GBF1: variants seen among roughly 807,000 people sequenced by gnomAD.
The protein encoded by GBF1 is golgi brefeldin A resistant guanine nucleotide exchange factor 1.
Under a neutral mutation model 210.5 loss-of-function variants are expected in GBF1, and 114 were observed. The ratio of observed to expected loss-of-function variants is 0.54; its 90% CI spans 0.47 to 0.63. The LOEUF (loss-of-function observed/expected upper bound fraction) is 0.63. Among genes scored for constraint, GBF1 ranks in the 30% least tolerant of loss-of-function variants. The pLI is 0.00. For missense variants in GBF1, 1,851 were observed against 2,357.7 expected, an observed-to-expected ratio of 0.79 and a Z score of 4.45; for synonymous variants, 850 against 889.2, an observed-to-expected ratio of 0.96 and a Z score of 0.78.
chr10:102,276,552 T>C (rs1379723025), intron 3 of GBF1, among the ~76,000 whole-genome samples: 1 of 151,102 alleles, frequency 6.6e-6, no homozygotes, highest in Non-Finnish European at 1.5e-5. Flanking sequence ...AAAATGTTTC[T>C]GTTGCCAAGG....
chr10:102,362,433 G>A, intron 14 of GBF1, 42 bp from the exon 15 acceptor site: 4 of 1,354,428 alleles, frequency 3.0e-6, no homozygotes, highest in Admixed American at 1.8e-5. Context: ...AGTGTAAAGT[G>A]TTCTCCTAAC....
chr10:102,243,091 C>T (rs1197602969), upstream of GBF1, among the ~76,000 whole-genome samples: 2 of 152,178 alleles, frequency 1.3e-5, no homozygotes, highest in Non-Finnish European at 2.9e-5. Context: ...ACCTTGTCTT[C>T]ATCTCCAATT....
the GBF1 span, among the ~76,000 whole-genome samples, chr10:102,232,857 A>G: frequency 2.0e-5 from 3 of 152,340 alleles, no homozygotes; most frequent in South Asian, 2.1e-4. Context: ...TCTCCTTAGG[A>G]CAGATTGTAT....
chr10:102,378,223 A>G (rs1196742005), intron 33 of GBF1, among the ~76,000 whole-genome samples: 2 of 151,908 alleles, frequency 1.3e-5, no homozygotes, highest in Non-Finnish European at 2.9e-5. Flanking sequence ...ATCTCAAAAA[A>G]AAAAAAAAGA....
Position 102,362,504 on chromosome 10 carries a change from T to C in GBF1, c.1716T>C (p.Tyr572=). Residue 572 remains tyrosine (Y), a synonymous_variant, in exon 15 of 40, where the codon TAT becomes TAC. Coordinates refer to ENST00000369983, the MANE Select transcript of GBF1 (RefSeq NM_001377137.1). ...CCTTCCCTGTGTCTGGTCAACTCTA[T>C]ACAACACACCTACTATCTCTTGATG... The part of the protein sequence containing the change: ...KNAFPVSGQL[Y]TTHLLSLDAL... 6.2e-7 allele frequency: 1 copy of C among 1,613,802 alleles called. No individual in the cohort carries two copies. The highest frequency in any genetic ancestry group is 8.5e-7 in the Non-Finnish European group (1 of 1,179,662).
intron 3 of GBF1, among the ~76,000 whole-genome samples, chr10:102,338,085 A>T (rs931084018): frequency 1.3e-5 from 2 of 152,078 alleles, no homozygotes; most frequent in Admixed American, 6.6e-5. Flanking sequence ...AGAGGTAGGG[A>T]AGTGACATGA....
intron 3 of GBF1, among the ~76,000 whole-genome samples, chr10:102,277,001 C>T (rs71471240): frequency 5.9e-5 from 9 of 151,840 alleles, no homozygotes; most frequent in East Asian, 1.9e-4. Context: ...CATGCACACA[C>T]GTATGTATGT....
At chr10:102,365,183 G>A (rs1409751114) in intron 17 of GBF1, among the ~76,000 whole-genome samples, 1 of 152,184 alleles carries the variant, frequency 6.6e-6, no homozygotes, top group Non-Finnish European at 1.5e-5. Context: ...ACTCAGGAAA[G>A]GAGTAAAAAA....
chr10:102,308,290 A>T (rs79468648), intron 3 of GBF1, among the ~76,000 whole-genome samples: 2,780 of 152,164 alleles, frequency 0.018, 36 homozygotes, highest in South Asian at 0.055. Flanking sequence ...ATAGTGGAAT[A>T]CTATAAATAA....
At chr10:102,378,394 G>A (rs1428025374) in intron 33 of GBF1, among the ~76,000 whole-genome samples, 9 of 152,038 alleles carry the variant, frequency 5.9e-5, no homozygotes, top group Non-Finnish European at 8.8e-5. Flanking sequence ...AGGCTGAGGC[G>A]GGAGGATCAC....
At position 102,376,713 on chromosome 10, in the gene GBF1, G is replaced by A. The variant is rs1027929243; in HGVS notation, c.4201G>A (p.Val1401Met). 1.2e-6 allele frequency: 2 copies of A among 1,612,372 alleles called. No homozygotes were observed. The highest frequency in any genetic ancestry group is 1.7e-6 in the Non-Finnish European group (2 of 1,179,702). ...GTGTGTGGAATCGCTGTCCTTCATTGTGCGTGATGCTGCCCACATCACACC... is the reference window on the plus strand; with the variant it reads ...GTGTGTGGAATCGCTGTCCTTCATTATGCGTGATGCTGCCCACATCACACC... The part of the protein sequence containing the change: ...LKCVESLSFI[V>M]RDAAHITPDN... Residue 1401 changes from valine (V) to methionine (M), a missense_variant, in exon 32 of 40, where the codon GTG becomes ATG. Physicochemically the swap from Val to Met is conservative, Grantham distance 21. Coordinates refer to ENST00000369983, the MANE Select transcript of GBF1 (RefSeq NM_001377137.1).
intron 13 of GBF1, 72 bp from the exon 14 acceptor site, chr10:102,361,646 C>T: frequency 9.7e-7 from 1 of 1,034,516 alleles, no homozygotes; most frequent in Admixed American, 2.2e-5. Flanking sequence ...TAATGTTTTT[C>T]CTGTCTAATT....
chr10:102,251,380 T>G (rs1476748258), intron 1 of GBF1, among the ~76,000 whole-genome samples: 1 of 152,198 alleles, frequency 6.6e-6, no homozygotes, highest in Non-Finnish European at 1.5e-5. Context: ...GTCTTGATGT[T>G]ATTTCATTTG....
At chr10:102,301,730 C>T (rs1178041915) in intron 3 of GBF1, among the ~76,000 whole-genome samples, 1 of 152,084 alleles carries the variant, frequency 6.6e-6, no homozygotes. Context: ...AGACGCTCCT[C>T]ACTTCCTAGA....
chr10:102,267,737 G>T (rs147982548), intron 3 of GBF1, among the ~76,000 whole-genome samples: 1 of 152,306 alleles, frequency 6.6e-6, no homozygotes, highest in East Asian at 1.9e-4. Context: ...GGAACTAAAA[G>T]AACCAAATGT....
chr10:102,363,190 C>A lies in GBF1; in HGVS notation c.1877-66C>A. ...AGGTCTTCTGGGCTTGGGATTTGAT[C>A]TATCCTGCAGCTCTGCTTGGCTTCA... On this transcript the variant is annotated intron_variant, in intron 15 of 39. Transcript: ENST00000369983. This position sits in a 1 kb window ranked among gnomAD's most constrained non-coding sequence, Gnocchi z 4.2. 7.0e-7 allele frequency: 1 copy of A among 1,435,310 alleles called. No individual in the cohort carries two copies. Among genetic ancestry groups the A allele is most frequent in the African/African-American group, 1.4e-5 (1 of 70,836 alleles). The allele number at this position is 1,435,310 out of a possible 1,614,324, so 88.9% of individuals were successfully genotyped here. A position where few individuals can be genotyped will look rare whatever the true frequency, so the allele number is the denominator to read the frequency against.
At chr10:102,238,832 C>A in the GBF1 span, among the ~76,000 whole-genome samples, 1 of 152,160 alleles carries the variant, frequency 6.6e-6, no homozygotes, top group Non-Finnish European at 1.5e-5. Flanking sequence ...TCACTCCCTC[C>A]ACCCTGTAGC....
Position 102,277,974 on chromosome 10 carries a change from T to A in GBF1, c.163+17858T>A, listed in dbSNP as rs968312386. On this transcript the variant is annotated intron_variant, in intron 3 of 39. Transcript: ENST00000369983. ...TAGCATTAAAAACATTTTTTTAAAA[T>A]TTTTTCAGCCAGTGGTTTATGCCTG... is the stretch of plus-strand genomic sequence containing the variant. Among the ~76,000 whole-genome samples, 12 of 152,316 alleles carry A rather than the reference T, an allele frequency of 7.9e-5. No individual in the cohort carries two copies. The East Asian group carries it at 2.3e-3, about 29-fold the overall frequency.
intron 6 of GBF1, 118 bp downstream of exon 6, chr10:102,352,069 T>C: frequency 1.4e-6 from 1 of 702,614 alleles, no homozygotes; most frequent in Non-Finnish European, 2.6e-6. Flanking sequence ...ATCTATCTCA[T>C]GCGATCATAG....
Sources: gnomAD v4.1 joint callset for allele counts (sites outside exome capture counted in the v4.1 genomes callset) on GRCh38, gnomAD v4.1.1 for gene constraint, Gnocchi (gnomAD v3.1) non-coding constraint, MANE v1.5 for transcripts, NCBI Gene and HGNC (gene_info 2026-07-23, HGNC 2026-07-21) for gene names.